The following CLNK variants were observed in gnomAD, a reference collection of about 807,000 sequenced individuals.
The protein encoded by CLNK is cytokine-dependent hematopoietic cell linker.
Under a neutral mutation model 68.6 loss-of-function variants are expected in CLNK, and 74 were observed. The observed-to-expected ratio is 1.08, with a 90% confidence interval of 0.89 to 1.31. The LOEUF (loss-of-function observed/expected upper bound fraction) is 1.31, where lower values mean the gene tolerates loss of function less well. CLNK is among the 50% of genes most tolerant of loss of function. The pLI is 0.00. For missense variants in CLNK, 553 were observed against 515.3 expected, an observed-to-expected ratio of 1.07 and a Z score of -0.71; for synonymous variants, 198 against 172.2, an observed-to-expected ratio of 1.15 and a Z score of -1.17.
the CLNK span, among the ~76,000 whole-genome samples, chr4:10,714,561 G>T: frequency 2.6e-5 from 4 of 152,148 alleles, no homozygotes; most frequent in African/African-American, 9.7e-5. Flanking sequence ...TTAATATGCA[G>T]AAAGTTATTG....
the CLNK span, among the ~76,000 whole-genome samples, chr4:10,695,119 T>A: frequency 6.6e-6 from 1 of 152,054 alleles, no homozygotes; most frequent in Non-Finnish European, 1.5e-5. Flanking sequence ...CTAGTAAGCA[T>A]GATAACTATA....
intron 7 of CLNK, 55 bp downstream of exon 7, chr4:10,564,616 C>A: frequency 7.9e-7 from 1 of 1,266,470 alleles, no homozygotes; most frequent in Admixed American, 1.7e-5. Flanking sequence ...CAGTTTCTAG[C>A]TGGTTAGGAA....
chr4:10,656,002 A>T (rs1723966196), intron 2 of CLNK, among the ~76,000 whole-genome samples: 1 of 152,108 alleles, frequency 6.6e-6, no homozygotes, highest in Non-Finnish European at 1.5e-5. Flanking sequence ...TGCGAAAAAG[A>T]AAAAGAGAGA....
chr4:10,546,232 T>G (rs996805652), intron 8 of CLNK, among the ~76,000 whole-genome samples: 1 of 152,230 alleles, frequency 6.6e-6, no homozygotes, highest in East Asian at 1.9e-4. Flanking sequence ...TTATCCACTC[T>G]ACTTCTCTTT....
At chr4:10,680,662 C>T (rs1422483333) in intron 1 of CLNK, among the ~76,000 whole-genome samples, 2 of 152,122 alleles carry the variant, frequency 1.3e-5, no homozygotes, top group South Asian at 4.1e-4. Flanking sequence ...AATTACTAGT[C>T]ACCATGATAT....
At chr4:10,595,884 C>G (rs1721364762) in intron 3 of CLNK, among the ~76,000 whole-genome samples, 1 of 152,160 alleles carries the variant, frequency 6.6e-6, no homozygotes, top group Non-Finnish European at 1.5e-5. Context: ...ACATAGTGAG[C>G]ACTCAGTGAC....
intron 3 of CLNK, among the ~76,000 whole-genome samples, chr4:10,589,640 G>A (rs998398509): frequency 1.6e-4 from 24 of 145,824 alleles, no homozygotes; most frequent in Admixed American, 4.1e-4. Flanking sequence ...GGGACCAGCC[G>A]CCTAGGGTCT....
chr4:10,663,519 T>C (rs1482892847), intron 2 of CLNK, among the ~76,000 whole-genome samples: 1 of 152,198 alleles, frequency 6.6e-6, no homozygotes, highest in Non-Finnish European at 1.5e-5. Context: ...GATTTATGTA[T>C]ACTCAATAAA....
chr4:10,625,517 G>A (rs770492976), intron 2 of CLNK, among the ~76,000 whole-genome samples: 15 of 152,288 alleles, frequency 9.8e-5, no homozygotes, highest in African/African-American at 2.2e-4. Flanking sequence ...TACTACAGGC[G>A]TGTGCAGGTG....
the CLNK span, among the ~76,000 whole-genome samples, chr4:10,709,430 G>A: frequency 1.6e-3 from 243 of 152,288 alleles, no homozygotes; most frequent in African/African-American, 5.7e-3. Flanking sequence ...AAGTCTCGTG[G>A]AAGTTAAGTC....
chr4:10,700,658 T>C, the CLNK span, among the ~76,000 whole-genome samples: 7 of 152,300 alleles, frequency 4.6e-5, no homozygotes, highest in South Asian at 1.2e-3. Context: ...CTCAGGACTC[T>C]AAGCCACGTG....
rs869196104 is a variant in CLNK at position 10,655,637 on chromosome 4, A to ATTT, written c.11+12219_11+12221dup. Among the ~76,000 whole-genome samples the ATTT allele has an allele frequency of 6.1e-4, 46 of 74,804 alleles. 2 individuals are homozygous for ATTT. The highest frequency in any genetic ancestry group is 8.9e-4 in the African/African-American group (16 of 17,938). The allele number at this position is 74,804 out of a possible 152,430, so 49.1% of individuals were successfully genotyped here. ...GATGAGTGGAGGAGGGATAGATAGC[A>ATTT]TTTTTTTTTTTTTTTTTTTTTTTTT... On this transcript the variant is annotated intron_variant, in intron 2 of 18. Transcript: ENST00000226951.
At chr4:10,627,191 C>T (rs954805461) in intron 2 of CLNK, among the ~76,000 whole-genome samples, 2 of 152,126 alleles carry the variant, frequency 1.3e-5, no homozygotes, top group Non-Finnish European at 2.9e-5. Flanking sequence ...TTTACAGACA[C>T]CTCCCTGAGG....
At chr4:10,540,685 C>G in intron 10 of CLNK, 81 bp from the exon 11 acceptor site, 4 of 903,486 alleles carry the variant, frequency 4.4e-6, no homozygotes, top group Middle Eastern at 2.8e-4. Flanking sequence ...CACTGCTCTG[C>G]CCTCCGTGTC....
intron 8 of CLNK, among the ~76,000 whole-genome samples, chr4:10,545,479 C>T (rs1384176879): frequency 1.3e-5 from 2 of 152,092 alleles, no homozygotes; most frequent in African/African-American, 2.4e-5. Context: ...ACACCCCACC[C>T]CTATAGCTTG....
chr4:10,669,736 T>A (rs1399423991), intron 1 of CLNK, among the ~76,000 whole-genome samples: 1 of 152,184 alleles, frequency 6.6e-6, no homozygotes, highest in African/African-American at 2.4e-5. Flanking sequence ...CTGTGTATTT[T>A]CCTCTGCCCT....
At chr4:10,629,813 A>G (rs529748777) in intron 2 of CLNK, among the ~76,000 whole-genome samples, 15 of 152,306 alleles carry the variant, frequency 9.8e-5, no homozygotes, top group East Asian at 5.8e-4. Context: ...CTGGCTAATC[A>G]CTGGGAAATT....
chr4:10,528,001 C>T (rs1302713158), intron 13 of CLNK, 75 bp downstream of exon 13: 3 of 785,178 alleles, frequency 3.8e-6, no homozygotes, highest in African/African-American at 3.6e-5. Flanking sequence ...TTTTAATAAC[C>T]ATGAGCACTG....
chr4:10,549,871 A>G (rs1180201162), intron 8 of CLNK, among the ~76,000 whole-genome samples: 1 of 152,192 alleles, frequency 6.6e-6, no homozygotes, highest in African/African-American at 2.4e-5. Context: ...AATTAGCACC[A>G]TTTGCCCAGA....
Sources: gnomAD v4.1 joint callset for allele counts (sites outside exome capture counted in the v4.1 genomes callset) on GRCh38, gnomAD v4.1.1 for gene constraint, MANE v1.5 for transcripts, NCBI Gene and HGNC (gene_info 2026-07-23, HGNC 2026-07-21) for gene names.